Variants in SNX8 observed in about 807,000 individuals in gnomAD.
The protein encoded by SNX8 is sorting nexin-8.
In SNX8, 25 loss-of-function variants were observed where a neutral mutation model predicts 51.6. The ratio of observed to expected loss-of-function variants is 0.48; its 90% CI spans 0.35 to 0.68. SNX8 has a LOEUF of 0.68. Among genes scored for constraint, SNX8 ranks in the 30% least tolerant of loss-of-function variants. The pLI is 0.00. For synonymous variants in SNX8, 324 were observed against 277.0 expected (o/e 1.17, Z -1.68); for missense variants, 695 against 624.0 (o/e 1.11, Z -1.21).
chr7:2,290,154 C>T (rs773672779), intron 1 of SNX8, among the ~76,000 whole-genome samples: 1 of 152,044 alleles, frequency 6.6e-6, no homozygotes, highest in Non-Finnish European at 1.5e-5. Flanking sequence ...GATTACACCA[C>T]GGCCCTCCAG....
rs3815313 is a variant in SNX8 at position 2,257,087 on chromosome 7, A to T, written c.1135-64T>A. ...CGGCGACGGGAGCACCAAGGCCCGA[A>T]CACCAGCGTGCTCCCTGAGCCAGGG... is the stretch of plus-strand genomic sequence containing the variant. On this transcript the variant is annotated intron_variant, in intron 9 of 10. Transcript: ENST00000222990. 0.32 allele frequency: 483,322 copies of T among 1,504,374 alleles called. 81,245 individuals carry two copies. The highest frequency in any genetic ancestry group is 0.36 in the Middle Eastern group (1,570 of 4,398). 93.2% of individuals were successfully genotyped at this position (1,504,374 alleles called of 1,614,324 possible).
intron 10 of SNX8, among the ~76,000 whole-genome samples, chr7:2,256,531 T>C (rs1269793582): frequency 6.6e-6 from 1 of 152,220 alleles, no homozygotes; most frequent in African/African-American, 2.4e-5. Flanking sequence ...AACAGCCACC[T>C]GCGGCGCTCC....
At chr7:2,263,430 C>A in intron 6 of SNX8, 68 bp from the exon 7 acceptor site, 1 of 1,476,124 alleles carries the variant, frequency 6.8e-7, no homozygotes, top group South Asian at 1.3e-5. Flanking sequence ...TCGAGTCTGG[C>A]ATCCCCCCCG....
chr7:2,308,779 A>C (rs1796602678), intron 1 of SNX8, among the ~76,000 whole-genome samples: 1 of 150,120 alleles, frequency 6.7e-6, no homozygotes, highest in African/African-American at 2.5e-5. Context: ...AAAATGAACA[A>C]ATTTTTTTTT....
At chr7:2,333,752 T>G (rs1778778894) in intron 1 of SNX8, among the ~76,000 whole-genome samples, 1 of 152,214 alleles carries the variant, frequency 6.6e-6, no homozygotes, top group Non-Finnish European at 1.5e-5. Flanking sequence ...CCTCATTGAA[T>G]GAATCAATGT....
upstream of SNX8, among the ~76,000 whole-genome samples, chr7:2,316,509 C>CCACT (rs572856670): frequency 2.6e-4 from 36 of 138,470 alleles, no homozygotes; most frequent in African/African-American, 9.3e-4. Flanking sequence ...ATTCATTCAC[C>CCACT]CACTCACTCA....
intron 5 of SNX8, among the ~76,000 whole-genome samples, chr7:2,268,717 A>C: frequency 7.8e-5 from 1 of 12,822 alleles, no homozygotes; most frequent in Non-Finnish European, 3.0e-4. Context: ...CCCGTCCGGG[A>C]GGGAGGTGGG....
At chr7:2,274,992 TC>T (rs5881921) in intron 3 of SNX8, 119 bp downstream of exon 3, 669,581 of 712,268 alleles carry the variant, frequency 0.94, 315,686 homozygotes, top group African/African-American at 0.97. Flanking sequence ...GGCTGGAGTT[TC>T]CCCCGCAGCC....
At chr7:2,287,501 C>T (rs1188432485) in intron 1 of SNX8, among the ~76,000 whole-genome samples, 1 of 151,566 alleles carries the variant, frequency 6.6e-6, no homozygotes, top group Admixed American at 6.6e-5. Context: ...ATCACTTGAA[C>T]CTGGGAGGCA....
chr7:2,334,465 AGG>A (rs1331806115), intron 1 of SNX8, among the ~76,000 whole-genome samples: 1 of 151,982 alleles, frequency 6.6e-6, no homozygotes, highest in Non-Finnish European at 1.5e-5. Flanking sequence ...TGGGAAGCCA[AGG>A]CGGGCGGATC....
intron 1 of SNX8, among the ~76,000 whole-genome samples, chr7:2,278,857 C>T (rs542631365): frequency 2.1e-4 from 5 of 24,064 alleles, no homozygotes; most frequent in African/African-American, 8.4e-4. Flanking sequence ...ACTCACACTA[C>T]GGAGTCGACG....
intron 4 of SNX8, among the ~76,000 whole-genome samples, chr7:2,270,933 G>A (rs767033873): frequency 3.9e-5 from 6 of 152,172 alleles, no homozygotes; most frequent in Non-Finnish European, 8.8e-5. Flanking sequence ...GCCCCTCCCC[G>A]CACAGGGAGA....
chr7:2,278,295 T>A lies in SNX8; in HGVS notation c.105A>T (p.Thr35=), dbSNP rs1584692957. 6.4e-7 allele frequency: 1 copy of A among 1,568,800 alleles called. No homozygotes were observed. The highest frequency in any genetic ancestry group is 1.7e-5 in the Admixed American group (1 of 57,412). ...TGGCCTGGGGCTCGATGGCCTGGGG[T>A]GTCGGCAGATCTGCAGGGGAGATGG... is the stretch of plus-strand genomic sequence containing the variant. ...EADPPASDLP[T]PQAIEPQAIV... is the part of the protein sequence containing the mutation. Residue 35 remains threonine, a synonymous_variant, in exon 2 of 11, where the codon ACA becomes ACT. Transcript: ENST00000222990.
intron 1 of SNX8, among the ~76,000 whole-genome samples, chr7:2,321,224 G>C (rs1219346231): frequency 1.3e-5 from 2 of 151,998 alleles, no homozygotes; most frequent in African/African-American, 4.8e-5. Context: ...GCAGGAAACG[G>C]TGGGGGGAAT....
intron 1 of SNX8, among the ~76,000 whole-genome samples, chr7:2,346,546 G>T (rs1779030531): frequency 6.6e-6 from 1 of 151,612 alleles, no homozygotes; most frequent in Non-Finnish European, 1.5e-5. Flanking sequence ...AGGAGATCGA[G>T]ACCATCCTGG....
chr7:2,257,785 C>A lies in SNX8; in HGVS notation c.934G>T (p.Asp312Tyr), dbSNP rs747092657. Residue 312 changes from aspartate (D) to tyrosine (Y), a missense_variant, in exon 8 of 11, where the codon GAC (aspartate) becomes TAC (tyrosine). Coordinates refer to ENST00000222990, the MANE Select transcript of SNX8 (RefSeq NM_013321.4). ...AAQQGKQEEN[D>Y]VVEKLNLFLD... The stretch of plus-strand genomic sequence containing the variant: ...AAGAGGTTCAGCTTCTCCACCACGT[C>A]GTTCTCTTCCTGCTTACCCTGGAAG... The A allele has an allele frequency of 2.9e-5, 46 of 1,613,936 alleles. No homozygotes were observed. Among genetic ancestry groups the A allele is most frequent in the Non-Finnish European group, 3.9e-5 (46 of 1,180,010 alleles).
intron 1 of SNX8, among the ~76,000 whole-genome samples, chr7:2,351,557 G>A (rs560168243): frequency 1.3e-5 from 2 of 150,776 alleles, no homozygotes; most frequent in African/African-American, 4.9e-5. Flanking sequence ...AATAGGCCAG[G>A]CGCAGTGGCT....
intron 5 of SNX8, among the ~76,000 whole-genome samples, chr7:2,267,350 CCA>C (rs1207664302): frequency 7.2e-6 from 1 of 139,484 alleles, no homozygotes; most frequent in Admixed American, 7.2e-5. Flanking sequence ...CTCCCTCACC[CCA>C]CAGTCTCCCT....
chr7:2,270,950 T>C lies in SNX8; in HGVS notation c.540+900A>G, dbSNP rs1795630067. 2.0e-5 allele frequency among the ~76,000 whole-genome samples: 3 copies of C among 152,332 alleles called. No individual in the cohort carries two copies. The South Asian group carries it at 6.2e-4, about 32-fold the overall frequency. On this transcript the variant is annotated intron_variant, in intron 4 of 10. Transcript: ENST00000222990. ...CCCTCCCCGCACAGGGAGAGGGTCC[T>C]GCAGGCACAGGTGGAGGAGAAGCAC...
Sources: allele counts gnomAD v4.1 joint callset (sites outside exome capture counted in the v4.1 genomes callset), GRCh38; gene constraint gnomAD v4.1.1; transcripts MANE v1.5; gene names NCBI Gene and HGNC (gene_info 2026-07-23, HGNC 2026-07-21).